The following UBE4B variants were observed in gnomAD, a reference collection of about 807,000 sequenced individuals.
The protein encoded by UBE4B is ubiquitin conjugation factor E4 B.
A neutral mutation model predicts 148.1 loss-of-function variants in UBE4B; 27 were observed. That is an observed-to-expected ratio of 0.18 (90% CI 0.13 to 0.25). UBE4B has a LOEUF of 0.25. UBE4B is among the 10% of genes least tolerant of loss of function. The pLI, the probability that UBE4B is intolerant of heterozygous loss-of-function variation, is 1.00. For synonymous variants in UBE4B, 596 were observed against 619.3 expected, an observed-to-expected ratio of 0.96 and a Z score of 0.56; for missense variants, 1,170 against 1,662.4, an observed-to-expected ratio of 0.70 and a Z score of 5.15.
intron 16 of UBE4B, among the ~76,000 whole-genome samples, chr1:10,136,504 T>G (rs1320007660): frequency 2.0e-5 from 3 of 149,924 alleles, no homozygotes; most frequent in Non-Finnish European, 4.5e-5. Context: ...AAAAAAAAGA[T>G]TGTGATGGAC....
chr1:10,166,970 CAAAAA>C (rs796133568), intron 23 of UBE4B, among the ~76,000 whole-genome samples: 1 of 133,188 alleles, frequency 7.5e-6, no homozygotes, highest in African/African-American at 2.9e-5. Flanking sequence ...CACACACACA[CAAAAA>C]AAAAAAATTA....
At position 10,132,485 on chromosome 1, in the gene UBE4B, A is replaced by G; in HGVS notation, c.2025+3A>G. ...ATATGAAGAAAGCACAGATGCAGGTAGGATTCCTACAGACTGCTTTTCGCT... is the reference window on the plus strand; with the variant it reads ...ATATGAAGAAAGCACAGATGCAGGTGGGATTCCTACAGACTGCTTTTCGCT... On this transcript the variant is annotated splice_donor_region_variant and intron_variant, in intron 15 of 27. Coordinates refer to ENST00000343090, the MANE Select transcript of UBE4B (RefSeq NM_001105562.3). 1 of 1,613,184 alleles carries G rather than the reference A, an allele frequency of 6.2e-7. No homozygotes were observed. The highest frequency in any genetic ancestry group is 8.5e-7 in the Non-Finnish European group (1 of 1,179,322).
At chr1:10,127,501 G>C (rs1313243828) in intron 11 of UBE4B, among the ~76,000 whole-genome samples, 1 of 152,188 alleles carries the variant, frequency 6.6e-6, no homozygotes, top group African/African-American at 2.4e-5. Context: ...GCTCCTTTCT[G>C]TTCTGAATTC....
At chr1:10,127,779 C>T (rs572276945) in intron 11 of UBE4B, among the ~76,000 whole-genome samples, 147 of 152,208 alleles carry the variant, frequency 9.7e-4, no homozygotes, top group African/African-American at 3.3e-3. Flanking sequence ...AGACAAGGTC[C>T]CTCTCCTCAA....
At chr1:10,054,060 T>C (rs1454110137) in intron 1 of UBE4B, among the ~76,000 whole-genome samples, 1 of 152,058 alleles carries the variant, frequency 6.6e-6, no homozygotes, top group Non-Finnish European at 1.5e-5. Context: ...ATTAGAAATA[T>C]TAGATTTTTT....
intron 20 of UBE4B, among the ~76,000 whole-genome samples, chr1:10,150,906 A>T (rs1645963138): frequency 6.7e-6 from 1 of 148,578 alleles, no homozygotes; most frequent in Admixed American, 6.8e-5. Context: ...TCATGCCTGT[A>T]ATCCCACCAT....
intron 10 of UBE4B, among the ~76,000 whole-genome samples, chr1:10,125,127 AAAAAAGAAAAAG>A (rs138691927): frequency 3.2e-3 from 482 of 152,332 alleles, no homozygotes; most frequent in African/African-American, 0.011. Flanking sequence ...TTGTGTCTGG[AAAAAAGAAAAAG>A]AAAAAGAAAA....
intron 7 of UBE4B, among the ~76,000 whole-genome samples, chr1:10,110,977 T>C (rs920723350): frequency 6.0e-5 from 9 of 149,982 alleles, no homozygotes; most frequent in African/African-American, 2.2e-4. Context: ...GCCTGGGTGA[T>C]AGAGTGAAAC....
intron 2 of UBE4B, among the ~76,000 whole-genome samples, chr1:10,077,385 T>C (rs1459693981): frequency 1.3e-5 from 2 of 152,194 alleles, no homozygotes; most frequent in Non-Finnish European, 2.9e-5. Flanking sequence ...ACCACCGTAA[T>C]TGAGTATGAG....
In UBE4B at chr1:10,132,494, A is replaced by G. The variant is rs1645612100; in HGVS notation, c.2025+12A>G. 2 of 1,609,560 alleles carry G rather than the reference A, an allele frequency of 1.2e-6. No homozygotes were observed. Among genetic ancestry groups the G allele is most frequent in the Non-Finnish European group, 8.5e-7 (1 of 1,176,498 alleles). On this transcript the variant is annotated intron_variant, in intron 15 of 27. Transcript: ENST00000343090. ...AAGCACAGATGCAGGTAGGATTCCTACAGACTGCTTTTCGCTGTTTGTCAA... is the reference window on the plus strand; with the variant it reads ...AAGCACAGATGCAGGTAGGATTCCTGCAGACTGCTTTTCGCTGTTTGTCAA...
chr1:10,098,477 T>C (rs1172319981), intron 3 of UBE4B, among the ~76,000 whole-genome samples: 4 of 152,186 alleles, frequency 2.6e-5, no homozygotes, highest in African/African-American at 9.6e-5. Context: ...TACAGTTAGA[T>C]TGGGGCCAAT....
rs1023010818 is a variant in UBE4B, at chr1:10,062,802, C to T, written c.25-9226C>T. On this transcript the variant is annotated intron_variant, in intron 1 of 27. Coordinates refer to ENST00000343090, the MANE Select transcript of UBE4B (RefSeq NM_001105562.3). ...CCAAACCCCATCTTTACTAAAAATA[C>T]AAAATTAGCCGGGTGTGGTGGCACA... is the stretch of plus-strand genomic sequence containing the variant. 4.0e-5 allele frequency among the ~76,000 whole-genome samples: 6 copies of T among 151,000 alleles called. No homozygotes were observed. The South Asian group carries it at 1.1e-3, about 27-fold the overall frequency.
chr1:10,061,304 A>G (rs1479260165), intron 1 of UBE4B, among the ~76,000 whole-genome samples: 1 of 152,100 alleles, frequency 6.6e-6, no homozygotes, highest in African/African-American at 2.4e-5. Context: ...CCCAGGCTGG[A>G]GTGCAAGTGG....
In UBE4B at chr1:10,100,711, C is replaced by A. The variant is rs187330806; in HGVS notation, c.348-397C>A. ...CTGGGATTACAGGCATGTGCCACCA[C>A]GCCTGACTAATTTTATATTTTTAGT... On this transcript the variant is annotated intron_variant, in intron 3 of 27. Transcript: ENST00000343090. 1,206 of 175,124 alleles carry A rather than the reference C, an allele frequency of 6.9e-3. 9 individuals are homozygous for A. Among genetic ancestry groups the A allele is most frequent in the Non-Finnish European group, 0.012 (983 of 82,586 alleles). The allele number at this position is 175,124 out of a possible 1,614,324, so 10.8% of individuals were successfully genotyped here.
chr1:10,096,819 A>G (rs985159826), intron 3 of UBE4B, among the ~76,000 whole-genome samples: 8 of 152,170 alleles, frequency 5.3e-5, no homozygotes, highest in African/African-American at 1.9e-4. Context: ...GACATGGATC[A>G]CTTGAGGCCA....
intron 2 of UBE4B, among the ~76,000 whole-genome samples, chr1:10,077,156 C>T (rs1301600573): frequency 6.6e-6 from 1 of 152,192 alleles, no homozygotes; most frequent in Non-Finnish European, 1.5e-5. Context: ...TCTCACAGTT[C>T]TAGAGGCTAG....
intron 13 of UBE4B, 36 bp downstream of exon 13, chr1:10,130,652 T>C (rs1645578374): frequency 6.2e-7 from 1 of 1,612,818 alleles, no homozygotes; most frequent in African/African-American, 1.3e-5. Flanking sequence ...TGCTGCCCTT[T>C]TATTCAGATT....
chr1:10,103,477 G>A (rs1354569489), intron 5 of UBE4B, among the ~76,000 whole-genome samples: 1 of 150,876 alleles, frequency 6.6e-6, no homozygotes, highest in Non-Finnish European at 1.5e-5. Context: ...CCTATCACCA[G>A]GCTGGAGTGC....
At chr1:10,054,032 T>G (rs1644112207) in intron 1 of UBE4B, among the ~76,000 whole-genome samples, 1 of 152,194 alleles carries the variant, frequency 6.6e-6, no homozygotes, top group Non-Finnish European at 1.5e-5. Flanking sequence ...CAAATCTTTT[T>G]TTGTTGTTGG....
Sources: gnomAD v4.1 joint callset for allele counts (sites outside exome capture counted in the v4.1 genomes callset) on GRCh38, gnomAD v4.1.1 for gene constraint, MANE v1.5 for transcripts, NCBI Gene and HGNC (gene_info 2026-07-23, HGNC 2026-07-21) for gene names.